The following KLHL25 variants were observed in gnomAD, a reference collection of about 807,000 sequenced individuals.
KLHL25 encodes kelch like family member 25, also known as kelch-like protein 25.
A neutral mutation model predicts 30.0 loss-of-function variants in KLHL25; 41 were observed. The ratio of observed to expected loss-of-function variants is 1.37; its 90% CI spans 1.07 to 1.78. The LOEUF (loss-of-function observed/expected upper bound fraction) is 1.78, where lower values mean the gene tolerates loss of function less well. KLHL25 is among the 40% of genes most tolerant of loss of function. The probability of loss-of-function intolerance (pLI) is 0.00; values close to 1 mark genes in which losing one functional copy is unlikely to be tolerated. For synonymous variants in KLHL25, 399 were observed against 355.3 expected (o/e 1.12, Z -1.38); for missense variants, 971 against 824.5 (o/e 1.18, Z -2.18).
chr15:85,791,489 C>T (rs1383948575), intron 1 of KLHL25, among the ~76,000 whole-genome samples: 1 of 152,268 alleles, frequency 6.6e-6, no homozygotes, highest in Admixed American at 6.5e-5. Context: ...AGCGAGACTC[C>T]TTCTCAAAAG....
intron 2 of KLHL25, chr15:85,764,137 A>C (rs1244318079): frequency 6.6e-6 from 1 of 152,192 alleles, no homozygotes; most frequent in Non-Finnish European, 1.5e-5. Flanking sequence ...TTTCCTGGTG[A>C]CCCAGGGAAG....
At chr15:85,791,810 C>T (rs2089819259) in intron 1 of KLHL25, among the ~76,000 whole-genome samples, 2 of 152,212 alleles carry the variant, frequency 1.3e-5, no homozygotes, top group East Asian at 3.8e-4. Context: ...TTAACCTTCA[C>T]CATACCCCTG....
chr15:85,793,953 T>G (rs1355240841), intron 1 of KLHL25, among the ~76,000 whole-genome samples: 1 of 152,194 alleles, frequency 6.6e-6, no homozygotes, highest in East Asian at 1.9e-4. Flanking sequence ...GGAATGCACT[T>G]TGGGGGCTTA....
In KLHL25 at chr15:85,789,915, G is replaced by A. The variant is rs1232044463; in HGVS notation, c.-11+4851C>T. Among the ~76,000 whole-genome samples the A allele has an allele frequency of 3.3e-5, 5 of 152,150 alleles. No homozygotes were observed. The highest frequency in any genetic ancestry group is 1.9e-4 in the East Asian group (1 of 5,198). The stretch of plus-strand genomic sequence containing the variant: ...CCAGAGGCTCAAGGAGAACAGCCCC[G>A]TCCCTTTGGAGTTACTGGGAAAATC... On this transcript the variant is annotated intron_variant, in intron 1 of 2. Transcript: ENST00000337975. This position sits in a 1 kb window ranked among gnomAD's most constrained non-coding sequence, Gnocchi z 4.1.
rs746543045 is a variant in KLHL25 at position 85,768,862 on chromosome 15, C to T, written c.949G>A (p.Ala317Thr). The T allele has an allele frequency of 1.2e-6, 2 of 1,613,372 alleles. No homozygotes were observed. Among genetic ancestry groups the T allele is most frequent in the Admixed American group, 1.7e-5 (1 of 60,036 alleles). ...TCGGCCTTGGGGATGATCTCCTTGG[C>T]CTTGTGGTCCACCTGGTAGATCTTG... is the stretch of plus-strand genomic sequence containing the variant. ...CDKIYQVDHK[A>T]KEIIPKADLP... The change falls in exon 2 of 3, where the codon GCC becomes ACC. Residue 317 changes from alanine to threonine, a missense_variant. By Grantham distance (58) the Ala-to-Thr change is moderately conservative. Coordinates refer to ENST00000337975, the MANE Select transcript of KLHL25 (RefSeq NM_022480.4).
intron 1 of KLHL25, among the ~76,000 whole-genome samples, chr15:85,790,086 ACTT>A (rs1210419185): frequency 6.6e-6 from 1 of 152,034 alleles, no homozygotes; most frequent in Non-Finnish European, 1.5e-5. Context: ...CCCATTCCTG[ACTT>A]CTTTTGTTGT....
chr15:85,765,630 AAAAAAGAAG>A, intron 2 of KLHL25, among the ~76,000 whole-genome samples: 1 of 125,334 alleles, frequency 8.0e-6, no homozygotes, highest in Non-Finnish European at 1.8e-5. Context: ...TCAAAAAAAA[AAAAAAGAAG>A]AAGAAGAAGA....
chr15:85,760,148 A>AGCTC lies in KLHL25; in HGVS notation c.*884_*887dup, dbSNP rs966720599. ...ACCCTGGGGTCCCTCTGCTGTCTCC[A>AGCTC]GCTCACAGCTGCTCCTGGTCTTGGA... On this transcript the variant is annotated 3_prime_UTR_variant, in exon 3 of 3. Transcript: ENST00000337975. The AGCTC allele has an allele frequency of 3.9e-5, 6 of 152,346 alleles. No individual in the cohort carries two copies. The highest frequency in any genetic ancestry group is 1.4e-4 in the African/African-American group (6 of 41,560). The allele number at this position is 152,346 out of a possible 1,614,324, so 9.4% of individuals were successfully genotyped here.
Position 85,779,161 on chromosome 15 carries a change from G to A in KLHL25, c.-10-9341C>T, listed in dbSNP as rs377207023. ...ATCCAGCCCGGGGCAGGTGCAGATA[G>A]ATGCAGCCATGGATGGGCAGCACCT... On this transcript the variant is annotated intron_variant, in intron 1 of 2. Coordinates refer to ENST00000337975, the MANE Select transcript of KLHL25 (RefSeq NM_022480.4). Among the ~76,000 whole-genome samples the A allele has an allele frequency of 2.0e-4, 31 of 152,042 alleles. No individual in the cohort carries two copies. The East Asian group carries it at 5.4e-3, about 27-fold the overall frequency.
chr15:85,777,751 A>G (rs1278016048), intron 1 of KLHL25, among the ~76,000 whole-genome samples: 1 of 152,178 alleles, frequency 6.6e-6, no homozygotes, highest in Non-Finnish European at 1.5e-5. Flanking sequence ...GCTGGGCCCT[A>G]CCCAGTTTGG....
intron 1 of KLHL25, among the ~76,000 whole-genome samples, chr15:85,779,942 T>C (rs2089733064): frequency 6.6e-6 from 1 of 152,190 alleles, no homozygotes; most frequent in South Asian, 2.1e-4. Flanking sequence ...ATAAATCCTT[T>C]TGAGAAAAAA....
At chr15:85,769,986 G>A (rs998523425) in intron 1 of KLHL25, among the ~76,000 whole-genome samples, 166 bp from the exon 2 acceptor site, 3 of 152,190 alleles carry the variant, frequency 2.0e-5, no homozygotes, top group African/African-American at 7.2e-5. Context: ...GACAACACAG[G>A]CAAGAGTGGC....
chr15:85,790,779 C>A (rs2089811255), intron 1 of KLHL25, among the ~76,000 whole-genome samples: 1 of 151,964 alleles, frequency 6.6e-6, no homozygotes, highest in Non-Finnish European at 1.5e-5. Flanking sequence ...GACTCTGTAC[C>A]CAACTCAGGG....
At position 85,769,568 on chromosome 15, in the gene KLHL25, C is replaced by A. The variant is rs1384931489; in HGVS notation, c.243G>T (p.Glu81Asp). The A allele has an allele frequency of 6.2e-7, 1 of 1,613,812 alleles. No homozygotes were observed. Residue 81 changes from glutamate to aspartate, a missense_variant, in exon 2 of 3, where the codon GAG becomes GAT. Glu to Asp is a conservative substitution (Grantham distance 45, BLOSUM62 2). Coordinates refer to ENST00000337975, the MANE Select transcript of KLHL25 (RefSeq NM_022480.4). Reference sequence around the variant, plus strand: ...GGAAGTTGACAGTGTCATCCCGGCTCTCCCGAAGGCCATGGCTGAACATGG... The same window carrying A: ...GGAAGTTGACAGTGTCATCCCGGCTATCCCGAAGGCCATGGCTGAACATGG... ...FEAMFSHGLR[E>D]SRDDTVNFQD...
chr15:85,768,137 A>G lies in KLHL25; in HGVS notation c.1674T>C (p.Tyr558=), dbSNP rs1433198547. The change falls in exon 2 of 3, where the codon TAT becomes TAC. Residue 558 remains tyrosine, a synonymous_variant. Transcript: ENST00000337975. ...GTQRCKTLDC[Y]DPTSDTWNCI... is the part of the protein sequence containing the mutation. The stretch of plus-strand genomic sequence containing the variant: ...AGTTCCATGTATCTGAAGTGGGGTC[A>G]TAGCAGTCCAGAGTCTTACACCTCT... 6.2e-7 allele frequency: 1 copy of G among 1,614,236 alleles called. No homozygotes were observed. The highest frequency in any genetic ancestry group is 1.7e-5 in the Admixed American group (1 of 60,036).
At chr15:85,762,251 C>G (rs1344274722) in intron 2 of KLHL25, 1 of 152,330 alleles carries the variant, frequency 6.6e-6, no homozygotes, top group Non-Finnish European at 1.5e-5. Context: ...CGGTCTTGGC[C>G]CCATCCCAGC....
intron 2 of KLHL25, among the ~76,000 whole-genome samples, chr15:85,765,480 G>C (rs2089614745): frequency 6.6e-6 from 1 of 152,046 alleles, no homozygotes; most frequent in African/African-American, 2.4e-5. Context: ...ACAAAAATTA[G>C]CTGGGCATGG....
In KLHL25 at chr15:85,769,038, G is replaced by C; in HGVS notation, c.773C>G (p.Ala258Gly). The C allele has an allele frequency of 1.9e-6, 3 of 1,608,204 alleles. No individual in the cohort carries two copies. The highest frequency in any genetic ancestry group is 1.1e-5 in the South Asian group (1 of 90,994). Residue 258 changes from alanine to glycine, a missense_variant, in exon 2 of 3, where the codon GCA becomes GGA. Coordinates refer to ENST00000337975, the MANE Select transcript of KLHL25 (RefSeq NM_022480.4). The stretch of plus-strand genomic sequence containing the variant: ...CATGATAAGCTTGGTGCGCTCGTCT[G>C]CCATGAGGAGGGCCTCGCTGGAGAC... ...EAVSSEALLM[A>G]DERTKLIMDE...
At chr15:85,773,967 T>C (rs1280772999) in intron 1 of KLHL25, among the ~76,000 whole-genome samples, 1 of 152,108 alleles carries the variant, frequency 6.6e-6, no homozygotes, top group Non-Finnish European at 1.5e-5. Flanking sequence ...ACCCCTTCCA[T>C]CTAGCAACCA....
Sources: gnomAD v4.1 joint callset for allele counts (sites outside exome capture counted in the v4.1 genomes callset) on GRCh38, gnomAD v4.1.1 for gene constraint, Gnocchi (gnomAD v3.1) non-coding constraint, MANE v1.5 for transcripts, NCBI Gene and HGNC (gene_info 2026-07-23, HGNC 2026-07-21) for gene names.